SLC14A2: variants seen among roughly 807,000 people sequenced by gnomAD.
SLC14A2 encodes the protein urea transporter 2.
A neutral mutation model predicts 104.6 loss-of-function variants in SLC14A2; 91 were observed. The ratio of observed to expected loss-of-function variants is 0.87; its 90% confidence interval spans 0.73 to 1.04. The LOEUF (loss-of-function observed/expected upper bound fraction) is 1.04, where lower values mean the gene tolerates loss of function less well. SLC14A2 is among the 50% of genes least tolerant of loss of function. The probability of loss-of-function intolerance (pLI) is 0.00; values close to 1 mark genes in which losing one functional copy is unlikely to be tolerated. For missense variants in SLC14A2, 1,189 were observed against 1,156.0 expected, an observed-to-expected ratio of 1.03 and a Z score of -0.41; for synonymous variants, 476 against 466.4, an observed-to-expected ratio of 1.02 and a Z score of -0.27.
chr18:45,570,511 C>T (rs1314640582), intron 2 of SLC14A2, among the ~76,000 whole-genome samples: 1 of 152,194 alleles, frequency 6.6e-6, no homozygotes, highest in Admixed American at 6.5e-5. Context: ...GAGTCCATTG[C>T]ATTCTGGAGC....
chr18:45,239,146 G>T (rs968637960), intron 1 of SLC14A2, among the ~76,000 whole-genome samples: 3 of 152,062 alleles, frequency 2.0e-5, no homozygotes, highest in African/African-American at 4.8e-5. Context: ...CCACTCTTTA[G>T]GTTCTAGGGC....
chr18:45,232,246 G>C (rs1325019537), intron 1 of SLC14A2, among the ~76,000 whole-genome samples: 1 of 152,118 alleles, frequency 6.6e-6, no homozygotes, highest in Non-Finnish European at 1.5e-5. Flanking sequence ...TATGGTGGAA[G>C]GTAAAGGGGA....
intron 2 of SLC14A2, among the ~76,000 whole-genome samples, chr18:45,538,325 A>C (rs182253388): frequency 6.6e-6 from 1 of 152,168 alleles, no homozygotes; most frequent in East Asian, 1.9e-4. Flanking sequence ...AACCCACTAC[A>C]TTCCAATGGC....
intron 9 of SLC14A2, 113 bp downstream of exon 9, chr18:45,643,294 C>G: frequency 1.1e-6 from 1 of 887,532 alleles, no homozygotes; most frequent in Non-Finnish European, 1.9e-6. Context: ...GTAGCTGGTG[C>G]TCACACGACA....
intron 1 of SLC14A2, among the ~76,000 whole-genome samples, chr18:45,443,878 T>G (rs1449085549): frequency 6.6e-6 from 1 of 152,170 alleles, no homozygotes; most frequent in African/African-American, 2.4e-5. Flanking sequence ...GTGCAGAGGC[T>G]CTTTGAAAGG....
At chr18:45,192,201 A>G in the SLC14A2 span, among the ~76,000 whole-genome samples, 1 of 152,008 alleles carries the variant, frequency 6.6e-6, no homozygotes, top group Non-Finnish European at 1.5e-5. Flanking sequence ...TTTTCTTTTT[A>G]GTGTACTTGG....
intron 2 of SLC14A2, among the ~76,000 whole-genome samples, chr18:45,553,781 AC>A (rs1347809254): frequency 2.0e-5 from 3 of 152,196 alleles, no homozygotes; most frequent in African/African-American, 7.2e-5. Flanking sequence ...GCAGAAAGGG[AC>A]CCACACAATC....
At chr18:45,318,701 C>G (rs1014717187) in intron 1 of SLC14A2, among the ~76,000 whole-genome samples, 22 of 151,894 alleles carry the variant, frequency 1.4e-4, no homozygotes, top group Non-Finnish European at 2.6e-4. Context: ...GCAGGAGAAT[C>G]TCTTGAACCC....
intron 1 of SLC14A2, among the ~76,000 whole-genome samples, chr18:45,299,973 G>T (rs773696442): frequency 6.6e-6 from 1 of 152,232 alleles, no homozygotes; most frequent in East Asian, 1.9e-4. Flanking sequence ...TAGTTATTTG[G>T]CTGGTAATTA....
At chr18:45,579,354 G>C (rs2044458028) in intron 2 of SLC14A2, among the ~76,000 whole-genome samples, 1 of 152,160 alleles carries the variant, frequency 6.6e-6, no homozygotes, top group African/African-American at 2.4e-5. Context: ...GATCTTTGAA[G>C]AAACACACAA....
chr18:45,235,559 T>A (rs2084216539), intron 1 of SLC14A2, among the ~76,000 whole-genome samples: 2 of 152,038 alleles, frequency 1.3e-5, no homozygotes, highest in South Asian at 4.1e-4. Context: ...AACCAACCTC[T>A]GTATATTCCC....
chr18:45,483,370 C>G (rs146807372), intron 2 of SLC14A2: 1 of 152,266 alleles, frequency 6.6e-6, no homozygotes, highest in African/African-American at 2.4e-5. Flanking sequence ...TTCAAAACAG[C>G]TGCTATCACC....
At chr18:45,626,202 A>G (rs2045255136) in intron 3 of SLC14A2, among the ~76,000 whole-genome samples, 1 of 152,226 alleles carries the variant, frequency 6.6e-6, no homozygotes, top group Admixed American at 6.5e-5. Flanking sequence ...AGCTAGCTGA[A>G]TGATCATTCC....
intron 2 of SLC14A2, among the ~76,000 whole-genome samples, chr18:45,604,938 G>A (rs1209409876): frequency 6.6e-6 from 1 of 152,128 alleles, no homozygotes; most frequent in Non-Finnish European, 1.5e-5. Flanking sequence ...TACCATTTTT[G>A]TATAAATTAT....
At chr18:45,458,003 C>T (rs902894689) in intron 1 of SLC14A2, among the ~76,000 whole-genome samples, 2 of 151,998 alleles carry the variant, frequency 1.3e-5, no homozygotes, top group African/African-American at 4.8e-5. Context: ...TGTGAGCCTT[C>T]GTAGGAGAAT....
chr18:45,228,663 A>G (rs1196319880), intron 1 of SLC14A2, among the ~76,000 whole-genome samples: 11 of 152,132 alleles, frequency 7.2e-5, no homozygotes, highest in Admixed American at 5.9e-4. Flanking sequence ...CAGGGAAACT[A>G]AAAGTTTAGG....
intron 4 of SLC14A2, among the ~76,000 whole-genome samples, chr18:45,631,266 A>G (rs951624673): frequency 6.6e-6 from 1 of 152,232 alleles, no homozygotes; most frequent in African/African-American, 2.4e-5. Flanking sequence ...TTCAGCCCTC[A>G]TAGAACTAAG....
chr18:45,186,704 T>C, the SLC14A2 span, among the ~76,000 whole-genome samples: 1 of 152,162 alleles, frequency 6.6e-6, no homozygotes, highest in African/African-American at 2.4e-5. Context: ...AAGATCTGCT[T>C]AACTGGAGTA....
the SLC14A2 span, among the ~76,000 whole-genome samples, chr18:45,197,906 A>C: frequency 6.6e-6 from 1 of 152,196 alleles, no homozygotes; most frequent in Non-Finnish European, 1.5e-5. Flanking sequence ...AGGCATTGAG[A>C]GTAGAAGGAA....
Sources: gnomAD v4.1 joint callset for allele counts (sites outside exome capture counted in the v4.1 genomes callset) on GRCh38, gnomAD v4.1.1 for gene constraint, MANE v1.5 for transcripts, NCBI Gene and HGNC (gene_info 2026-07-23, HGNC 2026-07-21) for gene names.